Variants in GRIK1 observed in about 807,000 individuals in gnomAD.
GRIK1 encodes the protein glutamate receptor ionotropic, kainate 1.
In GRIK1, 69 loss-of-function variants were observed where a neutral mutation model predicts 105.7. The ratio of observed to expected loss-of-function variants is 0.65; its 90% CI spans 0.54 to 0.80. The LOEUF (loss-of-function observed/expected upper bound fraction) is 0.80. Among genes scored for constraint, GRIK1 ranks in the 30% least tolerant of loss-of-function variants. The pLI is 0.00. For synonymous variants in GRIK1, 438 were observed against 431.3 expected (o/e 1.02, Z -0.19); for missense variants, 1,109 against 1,167.3 (o/e 0.95, Z 0.73).
chr21:29,834,229 G>A (rs1053282902), intron 1 of GRIK1, among the ~76,000 whole-genome samples: 30 of 150,862 alleles, frequency 2.0e-4, no homozygotes, highest in Admixed American at 8.6e-4. Context: ...ACCCTCGGTT[G>A]CAAATACATT....
At chr21:29,619,626 A>T (rs1392999523) in intron 7 of GRIK1, among the ~76,000 whole-genome samples, 1 of 152,198 alleles carries the variant, frequency 6.6e-6, no homozygotes, top group Non-Finnish European at 1.5e-5. Context: ...CCTAAAACTT[A>T]TGGAAATAAA....
At chr21:29,819,118 T>C (rs1458815328) in intron 1 of GRIK1, among the ~76,000 whole-genome samples, 6 of 152,138 alleles carry the variant, frequency 3.9e-5, no homozygotes, top group Admixed American at 1.3e-4. Context: ...GCTTACATTA[T>C]TAATGGCAGT....
intron 1 of GRIK1, among the ~76,000 whole-genome samples, chr21:29,849,005 C>A (rs763261169): frequency 7.9e-5 from 12 of 151,690 alleles, no homozygotes; most frequent in Non-Finnish European, 1.5e-4. Flanking sequence ...AGAACAGAAC[C>A]CAAATCTGTT....
chr21:29,553,594 C>G (rs747493983), intron 16 of GRIK1: 5 of 1,604,916 alleles, frequency 3.1e-6, no homozygotes, highest in Middle Eastern at 1.7e-4. Flanking sequence ...GAATCCCTCT[C>G]TCCTCTCGAA....
intron 1 of GRIK1, among the ~76,000 whole-genome samples, chr21:29,825,903 C>A (rs2067440294): frequency 6.6e-6 from 1 of 152,034 alleles, no homozygotes; most frequent in African/African-American, 2.4e-5. Flanking sequence ...GAGTGATCCT[C>A]TCTCTCCCCA....
intron 3 of GRIK1, among the ~76,000 whole-genome samples, chr21:29,678,852 T>C (rs1197907430): frequency 6.6e-6 from 1 of 152,338 alleles, no homozygotes; most frequent in East Asian, 1.9e-4. Flanking sequence ...ATAGCACATC[T>C]TGCATTTTAG....
intron 4 of GRIK1, among the ~76,000 whole-genome samples, chr21:29,662,560 G>C (rs1298626595): frequency 6.6e-6 from 1 of 152,082 alleles, no homozygotes; most frequent in Non-Finnish European, 1.5e-5. Context: ...TTTGCAACAA[G>C]CTTCTTTGAT....
intron 7 of GRIK1, among the ~76,000 whole-genome samples, chr21:29,600,329 A>C (rs1362714480): frequency 1.3e-5 from 2 of 152,174 alleles, no homozygotes; most frequent in Admixed American, 1.3e-4. Context: ...TTCAAATAAC[A>C]AAAAATTCAC....
Position 29,713,385 on chromosome 21 carries a change from AT to A in GRIK1, c.119-19323del, listed in dbSNP as rs551474574. Among the ~76,000 whole-genome samples the A allele has an allele frequency of 2.8e-3, 427 of 151,910 alleles. 5 individuals carry two copies. Among genetic ancestry groups the A allele is most frequent in the African/African-American group, 9.9e-3 (408 of 41,418 alleles). ...TGTAATTGATATTTTATTTTTCTGT[AT>A]TTTTTTCATTCTTGTAATGCCTATA... On this transcript the variant is annotated intron_variant, in intron 1 of 17. Coordinates refer to ENST00000327783, the MANE Select transcript of GRIK1 (RefSeq NM_001330994.2).
intron 9 of GRIK1, chr21:29,596,102 C>A: frequency 3.3e-6 from 1 of 307,194 alleles, no homozygotes; most frequent in Non-Finnish European, 6.3e-6. Context: ...GGTGTCCTAG[C>A]CTTCTGAGGC....
intron 2 of GRIK1, 70 bp downstream of exon 2, chr21:29,693,826 G>T: frequency 8.7e-7 from 1 of 1,150,528 alleles, no homozygotes; most frequent in Non-Finnish European, 1.3e-6. Context: ...AGGGCAGGTA[G>T]CAAAAAGAAG....
At chr21:29,723,167 C>G (rs1156918746) in intron 1 of GRIK1, among the ~76,000 whole-genome samples, 1 of 152,112 alleles carries the variant, frequency 6.6e-6, no homozygotes, top group Non-Finnish European at 1.5e-5. Context: ...AAAATTATTA[C>G]TAGCTAAAAT....
intron 1 of GRIK1, among the ~76,000 whole-genome samples, chr21:29,758,327 T>C (rs751845887): frequency 6.6e-6 from 1 of 152,232 alleles, no homozygotes; most frequent in Non-Finnish European, 1.5e-5. Flanking sequence ...TCCACATGGA[T>C]GGGGAGCCCT....
At chr21:29,887,921 C>A (rs549741145) in intron 1 of GRIK1, among the ~76,000 whole-genome samples, 1 of 152,032 alleles carries the variant, frequency 6.6e-6, no homozygotes, top group South Asian at 2.1e-4. Context: ...CTTTCCCAAA[C>A]AAAATCAGGG....
intron 1 of GRIK1, among the ~76,000 whole-genome samples, chr21:29,731,546 G>A (rs1184643979): frequency 1.3e-5 from 2 of 152,162 alleles, no homozygotes; most frequent in Non-Finnish European, 2.9e-5. Flanking sequence ...CTTGTCTATA[G>A]CTGATCTGGG....
intron 1 of GRIK1, among the ~76,000 whole-genome samples, chr21:29,785,249 G>T (rs923736016): frequency 8.5e-5 from 13 of 152,124 alleles, no homozygotes; most frequent in Non-Finnish European, 1.5e-5. Flanking sequence ...TGAACTTTGA[G>T]GATTTATTTT....
chr21:29,796,266 C>T (rs1569103515), intron 1 of GRIK1, among the ~76,000 whole-genome samples: 2 of 152,084 alleles, frequency 1.3e-5, no homozygotes, highest in Admixed American at 6.6e-5. Flanking sequence ...TTCATTCTAT[C>T]CCCAAGGCTG....
intron 7 of GRIK1, among the ~76,000 whole-genome samples, chr21:29,623,626 A>AAAT (rs1359970197): frequency 6.6e-6 from 1 of 152,214 alleles, no homozygotes; most frequent in Non-Finnish European, 1.5e-5. Flanking sequence ...TCCAGCTTAA[A>AAAT]AATACCCTTA....
intron 4 of GRIK1, among the ~76,000 whole-genome samples, chr21:29,667,438 A>G (rs529251426): frequency 1.4e-4 from 21 of 152,240 alleles, no homozygotes; most frequent in African/African-American, 4.8e-4. Flanking sequence ...TGTTAATTGA[A>G]AGAGATTTAA....
Sources: gnomAD v4.1 joint callset for allele counts (sites outside exome capture counted in the v4.1 genomes callset) on GRCh38, gnomAD v4.1.1 for gene constraint, MANE v1.5 for transcripts, NCBI Gene and HGNC (gene_info 2026-07-23, HGNC 2026-07-21) for gene names.